The following SDK2 variants were observed in gnomAD, a reference collection of about 807,000 sequenced individuals.
The protein encoded by SDK2 is protein sidekick-2.
SDK2 carries 105 observed loss-of-function variants against 253.9 expected under a neutral mutation model. The observed-to-expected ratio is 0.41, with a 90% CI of 0.35 to 0.49. SDK2 has a LOEUF of 0.49. SDK2 is among the 20% of genes least tolerant of loss of function. The pLI, the probability that SDK2 is intolerant of heterozygous loss-of-function variation, is 0.06. For missense variants in SDK2, 2,608 were observed against 3,003.0 expected (o/e 0.87, Z 3.07); for synonymous variants, 1,249 against 1,234.9 (o/e 1.01, Z -0.24).
At chr17:73,483,128 C>T (rs1018259240) in intron 2 of SDK2, among the ~76,000 whole-genome samples, 4 of 151,814 alleles carry the variant, frequency 2.6e-5, no homozygotes, top group African/African-American at 7.3e-5. Flanking sequence ...GACTGCTCTG[C>T]GGTAGGTCTT....
chr17:73,378,105 T>C (rs942342695), intron 36 of SDK2, among the ~76,000 whole-genome samples: 1 of 152,112 alleles, frequency 6.6e-6, no homozygotes, highest in African/African-American at 2.4e-5. Context: ...CTAGAAATGA[T>C]TTTTTTCTTT....
chr17:73,408,835 A>G (rs2063102856), intron 18 of SDK2, among the ~76,000 whole-genome samples: 1 of 152,228 alleles, frequency 6.6e-6, no homozygotes, highest in South Asian at 2.1e-4. Context: ...AAGCAAATAA[A>G]ACCACGAGTA....
intron 40 of SDK2, among the ~76,000 whole-genome samples, chr17:73,355,174 A>ATTT (rs770032791): frequency 1.1e-3 from 53 of 47,148 alleles, no homozygotes; most frequent in South Asian, 3.6e-3. Flanking sequence ...ATATATATAT[A>ATTT]TTTTTTTTTT....
intron 1 of SDK2, among the ~76,000 whole-genome samples, chr17:73,589,286 A>G (rs1840768941): frequency 1.3e-5 from 2 of 152,276 alleles, no homozygotes; most frequent in South Asian, 4.1e-4. Flanking sequence ...CTGAAGGGCA[A>G]GGAGATGTCT....
chr17:73,403,404 T>C (rs1301360532), intron 18 of SDK2, among the ~76,000 whole-genome samples: 9 of 152,172 alleles, frequency 5.9e-5, no homozygotes. Context: ...ATCTCCCCTC[T>C]GCAGATCACA....
At chr17:73,342,580 A>ACAGGTT (rs1305057404) in intron 44 of SDK2, among the ~76,000 whole-genome samples, 1 of 152,154 alleles carries the variant, frequency 6.6e-6, no homozygotes, top group Non-Finnish European at 1.5e-5. Flanking sequence ...CGGTCTTTCC[A>ACAGGTT]CCCACTAACT....
chr17:73,442,736 G>T (rs1464742149), intron 5 of SDK2, among the ~76,000 whole-genome samples: 1 of 151,752 alleles, frequency 6.6e-6, no homozygotes, highest in African/African-American at 2.4e-5. Context: ...GTGAACAAAT[G>T]AATGGATCTA....
chr17:73,529,679 T>C (rs537580643), intron 1 of SDK2, among the ~76,000 whole-genome samples: 28 of 151,294 alleles, frequency 1.9e-4, no homozygotes, highest in African/African-American at 6.8e-4. Flanking sequence ...AAGATGACCA[T>C]GGGAAGACAA....
At position 73,450,082 on chromosome 17, in the gene SDK2, T is replaced by C. The variant is rs1214790617; in HGVS notation, c.480-2334A>G. Among the ~76,000 whole-genome samples the C allele has an allele frequency of 3.3e-5, 5 of 152,182 alleles. No individual in the cohort carries two copies. The East Asian group carries it at 9.6e-4, about 29-fold the overall frequency. The stretch of plus-strand genomic sequence containing the variant: ...CAGGGATAGTGGTCATTTTCCCACC[T>C]GAGAGTTTCCTGCAGGGACTTGTCC... On this transcript the variant is annotated intron_variant, in intron 4 of 44. Transcript: ENST00000392650.
chr17:73,526,129 T>G (rs1015030323), intron 1 of SDK2, among the ~76,000 whole-genome samples: 1 of 152,090 alleles, frequency 6.6e-6, no homozygotes, highest in African/African-American at 2.4e-5. Flanking sequence ...ACAAGCCAGG[T>G]GGGGCAGTCG....
At position 73,390,277 on chromosome 17, in the gene SDK2, G is replaced by A; in HGVS notation, c.4192+10C>T. The A allele has an allele frequency of 1.3e-6, 2 of 1,560,712 alleles. No individual in the cohort carries two copies. The highest frequency in any genetic ancestry group is 1.4e-5 in the African/African-American group (1 of 73,602). On this transcript the variant is annotated intron_variant, in intron 29 of 44. Transcript: ENST00000392650. Reference sequence around the variant, plus strand: ...CCCCCAAGCCTTCCCTGGCCCCCGTGGGCAGTCACCTCTCTTCTCGGTGGT... The same window carrying A: ...CCCCCAAGCCTTCCCTGGCCCCCGTAGGCAGTCACCTCTCTTCTCGGTGGT...
intron 22 of SDK2, 78 bp from the exon 23 acceptor site, chr17:73,398,507 G>T: frequency 1.6e-6 from 2 of 1,279,434 alleles, no homozygotes; most frequent in Non-Finnish European, 1.1e-6. Flanking sequence ...TACAAGCCCT[G>T]CCAGGGAAGA....
At chr17:73,482,278 AAAG>A (rs1555588038) in intron 2 of SDK2, among the ~76,000 whole-genome samples, 5 of 150,894 alleles carry the variant, frequency 3.3e-5, no homozygotes, top group African/African-American at 7.3e-5. Flanking sequence ...TCAAAAAAAA[AAAG>A]AAGAAGAAGC....
At chr17:73,546,699 G>A (rs979909240) in intron 1 of SDK2, among the ~76,000 whole-genome samples, 2 of 152,240 alleles carry the variant, frequency 1.3e-5, no homozygotes, top group African/African-American at 4.8e-5. Flanking sequence ...GGGTCTTGGG[G>A]CCCTTGTGGG....
In SDK2 at chr17:73,393,570, C is replaced by T. The variant is rs201343278; in HGVS notation, c.3888G>A (p.Thr1296=). Residue 1296 remains threonine, a synonymous_variant, in exon 27 of 45, where the codon ACG becomes ACA. Coordinates refer to ENST00000392650, the MANE Select transcript of SDK2 (RefSeq NM_001144952.2). ...SPSHPPILER[T]LDDVPGPPMG... ...GGGATACGGACTCACCATCATCCAG[C>T]GTCCGCTCCAGGATGGGAGGGTGGC... 174 of 1,560,040 alleles carry T rather than the reference C, an allele frequency of 1.1e-4. No individual in the cohort carries two copies. The East Asian group carries it at 3.5e-3, about 31-fold the overall frequency.
intron 39 of SDK2, among the ~76,000 whole-genome samples, chr17:73,359,985 C>T (rs1490300446): frequency 6.6e-6 from 1 of 152,170 alleles, no homozygotes; most frequent in Non-Finnish European, 1.5e-5. Flanking sequence ...TTCTCTGAAC[C>T]CTCTGCCCTT....
rs1483097895 is a variant in SDK2, at chr17:73,447,232, C to T, written c.613+383G>A. ...TATTTCTGTAAAAACAAGCTTCAGC[C>T]CTGCAATCACCCACATGCCCTCCTG... On this transcript the variant is annotated intron_variant, in intron 5 of 44. Transcript: ENST00000392650. The surrounding 1 kb of genome is among the most constrained non-coding windows in gnomAD (Gnocchi z 4.0). 2.0e-5 allele frequency among the ~76,000 whole-genome samples: 3 copies of T among 152,250 alleles called. No homozygotes were observed. Among genetic ancestry groups the T allele is most frequent in the Middle Eastern group, 3.4e-3 (1 of 294 alleles).
At chr17:73,370,228 A>G (rs2062723214) in intron 36 of SDK2, among the ~76,000 whole-genome samples, 1 of 152,026 alleles carries the variant, frequency 6.6e-6, no homozygotes, top group Non-Finnish European at 1.5e-5. Flanking sequence ...CTTTTCTCCA[A>G]TCCCTCTCCC....
chr17:73,497,301 C>A (rs1214880152), intron 2 of SDK2, among the ~76,000 whole-genome samples: 1 of 152,156 alleles, frequency 6.6e-6, no homozygotes, highest in Non-Finnish European at 1.5e-5. Flanking sequence ...TCCAGGCTTC[C>A]CCTCTCCCAT....
Sources: gnomAD v4.1 joint callset for allele counts (sites outside exome capture counted in the v4.1 genomes callset) on GRCh38, gnomAD v4.1.1 for gene constraint, Gnocchi (gnomAD v3.1) non-coding constraint, MANE v1.5 for transcripts, NCBI Gene and HGNC (gene_info 2026-07-23, HGNC 2026-07-21) for gene names.